DAPK1: variants seen among roughly 807,000 people sequenced by gnomAD.
DAPK1 encodes the protein death-associated protein kinase 1.
Under a neutral mutation model 144.9 loss-of-function variants are expected in DAPK1, and 56 were observed. The ratio of observed to expected loss-of-function variants is 0.39; its 90% CI spans 0.31 to 0.48. The LOEUF is 0.48. Ranked by LOEUF, DAPK1 falls within the 20% of genes least tolerant of loss-of-function variation. The pLI is 0.95. For synonymous variants in DAPK1, 690 were observed against 749.0 expected, an observed-to-expected ratio of 0.92 and a Z score of 1.29; for missense variants, 1,454 against 1,875.4, an observed-to-expected ratio of 0.78 and a Z score of 4.15.
intron 2 of DAPK1, among the ~76,000 whole-genome samples, chr9:87,563,377 TACAGTGTGA>T (rs1325921936): frequency 6.6e-6 from 1 of 152,212 alleles, no homozygotes; most frequent in Admixed American, 6.5e-5. Context: ...ATTTGAAAGA[TACAGTGTGA>T]ACACCTGCAC....
intron 2 of DAPK1, among the ~76,000 whole-genome samples, chr9:87,565,774 A>G (rs554404031): frequency 1.1e-4 from 16 of 152,112 alleles, no homozygotes; most frequent in Admixed American, 9.2e-4. Context: ...CATTTTTATT[A>G]TTGCTACTCG....
chr9:87,589,488 C>CCAT (rs2118874400), intron 2 of DAPK1, among the ~76,000 whole-genome samples: 1 of 152,224 alleles, frequency 6.6e-6, no homozygotes, highest in African/African-American at 2.4e-5. Flanking sequence ...TGCATTCACA[C>CCAT]CATCAGCAGG....
At chr9:87,515,293 G>C (rs1274625319) in intron 2 of DAPK1, among the ~76,000 whole-genome samples, 1 of 152,206 alleles carries the variant, frequency 6.6e-6, no homozygotes, top group East Asian at 1.9e-4. Context: ...GGGTGTGGCT[G>C]TGTTCTAATA....
At chr9:87,565,230 A>ACGAGTGT (rs1236895213) in intron 2 of DAPK1, among the ~76,000 whole-genome samples, 2 of 146,582 alleles carry the variant, frequency 1.4e-5, no homozygotes, top group South Asian at 2.1e-4. Flanking sequence ...AGCATGAAAA[A>ACGAGTGT]CGAGTGTCGA....
At chr9:87,672,812 G>A (rs142335462) in intron 19 of DAPK1, among the ~76,000 whole-genome samples, 116 of 152,292 alleles carry the variant, frequency 7.6e-4, no homozygotes, top group African/African-American at 2.6e-3. Context: ...CTGAGCTGTC[G>A]CGGCAGCTTC....
At chr9:87,634,862 A>G (rs1412063029) in intron 3 of DAPK1, among the ~76,000 whole-genome samples, 1 of 152,090 alleles carries the variant, frequency 6.6e-6, no homozygotes, top group Non-Finnish European at 1.5e-5. Context: ...ACCCACCCCA[A>G]CGCCAAAGAA....
At chr9:87,638,702 G>A (rs145961170) in intron 4 of DAPK1, among the ~76,000 whole-genome samples, 37 of 152,320 alleles carry the variant, frequency 2.4e-4, no homozygotes, top group East Asian at 7.7e-4. Flanking sequence ...TGCTCCATCC[G>A]AGTAGTTGAT....
At chr9:87,634,682 C>T (rs535131169) in intron 3 of DAPK1, among the ~76,000 whole-genome samples, 77 of 152,324 alleles carry the variant, frequency 5.1e-4, no homozygotes, top group Admixed American at 1.6e-3. Context: ...AAATGTGGAA[C>T]ACCATGGCAG....
At chr9:87,504,791 T>C (rs1214064007) in intron 2 of DAPK1, among the ~76,000 whole-genome samples, 2 of 152,226 alleles carry the variant, frequency 1.3e-5, no homozygotes, top group East Asian at 1.9e-4. Context: ...TCTTCCCATA[T>C]ATCTTAAATC....
intron 2 of DAPK1, among the ~76,000 whole-genome samples, chr9:87,565,405 G>C (rs1251584475): frequency 6.6e-6 from 1 of 152,206 alleles, no homozygotes; most frequent in East Asian, 1.9e-4. Context: ...AAGCAGAGGA[G>C]CTCGAGGGAT....
At chr9:87,518,995 C>A (rs947254990) in intron 2 of DAPK1, among the ~76,000 whole-genome samples, 3 of 151,844 alleles carry the variant, frequency 2.0e-5, no homozygotes, top group Non-Finnish European at 4.4e-5. Flanking sequence ...CAGATTAGAA[C>A]AGAGGATTTC....
Position 87,706,999 on chromosome 9 carries a change from C to G in DAPK1, c.3928C>G (p.Arg1310Gly). 3 of 1,613,440 alleles carry G rather than the reference C, an allele frequency of 1.9e-6. No homozygotes were observed. Among genetic ancestry groups the G allele is most frequent in the Non-Finnish European group, 2.5e-6 (3 of 1,179,844 alleles). Residue 1310 changes from arginine to glycine, a missense_variant, in exon 26 of 26, where the codon CGG becomes GGG. By Grantham distance (125) the Arg-to-Gly change is moderately radical. Around this residue, in one of 2 missense-constraint regions of DAPK1, gnomAD observed 1,025 missense variants for 1,237.9 expected, o/e 0.83. Coordinates refer to ENST00000408954, the MANE Select transcript of DAPK1 (RefSeq NM_004938.4). The surrounding 1 kb of genome is among the most constrained non-coding windows in gnomAD (Gnocchi z 9.0). ...IHASDLNLLT[R>G]RKLSRLLDPP... is the part of the protein sequence containing the mutation. ...TGCATCAGACCTGAACCTCCTCACT[C>G]GGAGGAAACTGAGTCGCCTGCTGGA...
At chr9:87,668,497 T>C in intron 18 of DAPK1, 100 bp from the exon 19 acceptor site, 1 of 811,790 alleles carries the variant, frequency 1.2e-6, no homozygotes, top group Non-Finnish European at 2.2e-6. Flanking sequence ...TTCTCACACC[T>C]GCTATGCTTG....
chr9:87,580,446 C>A (rs1432465588), intron 2 of DAPK1, among the ~76,000 whole-genome samples: 7 of 152,100 alleles, frequency 4.6e-5, no homozygotes, highest in Non-Finnish European at 7.3e-5. Flanking sequence ...GCAAAGCAAT[C>A]TCAAATATTT....
At chr9:87,525,518 A>G in intron 2 of DAPK1, 2 of 1,154,920 alleles carry the variant, frequency 1.7e-6, no homozygotes, top group Non-Finnish European at 2.6e-6. Flanking sequence ...ATACTCAATG[A>G]AAAACCATGA....
intron 2 of DAPK1, among the ~76,000 whole-genome samples, chr9:87,569,014 T>C (rs1354984282): frequency 1.3e-5 from 2 of 152,074 alleles, no homozygotes; most frequent in East Asian, 3.9e-4. Flanking sequence ...CGAGGCAGAT[T>C]CTCTTGATAG....
chr9:87,592,696 G>A (rs1165010574), intron 2 of DAPK1, among the ~76,000 whole-genome samples: 1 of 152,130 alleles, frequency 6.6e-6, no homozygotes, highest in Non-Finnish European at 1.5e-5. Context: ...CGGGCCGCGG[G>A]GGTGAGGTCA....
intron 2 of DAPK1, among the ~76,000 whole-genome samples, chr9:87,577,836 C>A (rs1242893389): frequency 6.6e-6 from 1 of 152,084 alleles, no homozygotes; most frequent in Non-Finnish European, 1.5e-5. Flanking sequence ...ACCAGTGATT[C>A]CTGTGTGTAA....
intron 24 of DAPK1, among the ~76,000 whole-genome samples, chr9:87,700,548 G>A (rs1480213379): frequency 6.6e-6 from 1 of 151,890 alleles, no homozygotes; most frequent in African/African-American, 2.4e-5. Context: ...ATCCAGGCTG[G>A]AGTACAGTGG....
Sources: allele counts gnomAD v4.1 joint callset (sites outside exome capture counted in the v4.1 genomes callset), GRCh38; gene constraint gnomAD v4.1.1; regional missense constraint gnomAD v4.1.1; non-coding constraint Gnocchi (gnomAD v3.1); transcripts MANE v1.5; gene names NCBI Gene and HGNC (gene_info 2026-07-23, HGNC 2026-07-21).